The following EPB41L4A variants were observed in gnomAD, a reference collection of about 807,000 sequenced individuals.
EPB41L4A encodes the protein erythrocyte membrane protein band 4.1 like 4A, also known as band 4.1-like protein 4A.
Under a neutral mutation model 108.6 loss-of-function variants are expected in EPB41L4A, and 100 were observed. The observed-to-expected ratio is 0.92, with a 90% confidence interval of 0.78 to 1.09. The LOEUF (loss-of-function observed/expected upper bound fraction) is 1.09. EPB41L4A is among the 50% of genes least tolerant of loss of function. EPB41L4A has a pLI of 0.00. For missense variants in EPB41L4A, 1,030 were observed against 842.7 expected, an observed-to-expected ratio of 1.22 and a Z score of -2.75; for synonymous variants, 319 against 289.0, an observed-to-expected ratio of 1.10 and a Z score of -1.05.
chr5:112,340,457 C>T (rs1321799158), intron 1 of EPB41L4A, among the ~76,000 whole-genome samples: 1 of 152,178 alleles, frequency 6.6e-6, no homozygotes, highest in African/African-American at 2.4e-5. Context: ...TTAACCATGA[C>T]CCCTGCTTTG....
At chr5:112,193,290 TTC>T (rs1201293350) in intron 17 of EPB41L4A, among the ~76,000 whole-genome samples, 1 of 152,168 alleles carries the variant, frequency 6.6e-6, no homozygotes, top group East Asian at 1.9e-4. Flanking sequence ...TCACTTTTCT[TTC>T]TTTCTTTCTT....
Position 112,287,915 on chromosome 5 carries a change from GAAGA to G in EPB41L4A, c.205-7596_205-7593del, listed in dbSNP as rs200596334. Reference sequence around the variant, plus strand: ...TTTGCTGGCTATAAATGAAATGTAAGAAGAGAGAGATAAGCTAAAAAGAAAGAAG... The same window carrying G: ...TTTGCTGGCTATAAATGAAATGTAAGGAGAGATAAGCTAAAAAGAAAGAAG... On this transcript the variant is annotated intron_variant, in intron 2 of 22. Coordinates refer to ENST00000261486, the MANE Select transcript of EPB41L4A (RefSeq NM_022140.5). Among the ~76,000 whole-genome samples the G allele has an allele frequency of 8.6e-3, 1,306 of 152,298 alleles. 20 individuals carry two copies. Among genetic ancestry groups the G allele is most frequent in the African/African-American group, 0.029 (1,215 of 41,558 alleles).
At chr5:112,385,564 T>G (rs146392519) in intron 1 of EPB41L4A, among the ~76,000 whole-genome samples, 2,640 of 147,668 alleles carry the variant, frequency 0.018, 60 homozygotes, top group African/African-American at 0.061. Flanking sequence ...GCACAATCAA[T>G]TAAAAAATCC....
intron 1 of EPB41L4A, among the ~76,000 whole-genome samples, chr5:112,404,065 G>A (rs891021312): frequency 1.3e-5 from 2 of 152,174 alleles, no homozygotes; most frequent in Non-Finnish European, 2.9e-5. Context: ...TAAACATTAA[G>A]AAGCCTTCTA....
At chr5:112,263,210 C>T (rs976167798) in intron 6 of EPB41L4A, among the ~76,000 whole-genome samples, 4 of 152,096 alleles carry the variant, frequency 2.6e-5, no homozygotes, top group Non-Finnish European at 5.9e-5. Flanking sequence ...GAAATCTGCA[C>T]AGAAGAGTTA....
At chr5:112,320,129 G>A (rs940659141) in intron 1 of EPB41L4A, among the ~76,000 whole-genome samples, 2 of 152,070 alleles carry the variant, frequency 1.3e-5, no homozygotes, top group Admixed American at 6.6e-5. Context: ...GAGAAGTTCC[G>A]GGCCTTGCTC....
chr5:112,224,134 T>C lies in EPB41L4A; in HGVS notation c.1087+10500A>G, dbSNP rs535243129. On this transcript the variant is annotated intron_variant, in intron 12 of 22. Coordinates refer to ENST00000261486, the MANE Select transcript of EPB41L4A (RefSeq NM_022140.5). ...GTCCGGCTAATTTTTGTATTTTTAG[T>C]AGAGACAGGGTTTCACCACGTTGGC... Among the ~76,000 whole-genome samples, 5 of 152,254 alleles carry C rather than the reference T, an allele frequency of 3.3e-5. No individual in the cohort carries two copies. The East Asian group carries it at 9.7e-4, about 29-fold the overall frequency.
At chr5:112,201,951 G>C (rs1762242937) in intron 15 of EPB41L4A, among the ~76,000 whole-genome samples, 1 of 152,120 alleles carries the variant, frequency 6.6e-6, no homozygotes, top group Admixed American at 6.5e-5. Flanking sequence ...ATGGTGGGCT[G>C]AATATTTTTC....
chr5:112,347,700 T>A (rs980526534), intron 1 of EPB41L4A, among the ~76,000 whole-genome samples: 4 of 152,214 alleles, frequency 2.6e-5, no homozygotes, highest in Admixed American at 1.3e-4. Context: ...ATTTGTGGAA[T>A]ACAGCAGTGA....
chr5:112,394,665 C>T (rs1477183003), intron 1 of EPB41L4A, among the ~76,000 whole-genome samples: 2 of 152,168 alleles, frequency 1.3e-5, no homozygotes, highest in African/African-American at 2.4e-5. Flanking sequence ...GCCATACTGT[C>T]CAAGGTAATT....
downstream of EPB41L4A, among the ~76,000 whole-genome samples, chr5:112,159,657 G>A (rs1470990159): frequency 1.3e-5 from 2 of 152,096 alleles, no homozygotes; most frequent in African/African-American, 2.4e-5. Context: ...TTGCATAACC[G>A]CCTTCACACA....
At chr5:112,234,830 C>G (rs1369045559) in intron 11 of EPB41L4A, 75 bp from the exon 12 acceptor site, 1 of 1,484,948 alleles carries the variant, frequency 6.7e-7, no homozygotes, top group Non-Finnish European at 9.1e-7. Context: ...TCATTCAGAA[C>G]ATCTGCCAAA....
At chr5:112,299,933 C>T (rs756968807) in intron 2 of EPB41L4A, among the ~76,000 whole-genome samples, 4 of 152,136 alleles carry the variant, frequency 2.6e-5, no homozygotes, top group Non-Finnish European at 4.4e-5. Context: ...TCTTTTTTAA[C>T]TACTCTTAAA....
chr5:112,307,508 T>A lies in EPB41L4A; in HGVS notation c.100-18A>T. The A allele has an allele frequency of 6.4e-7, 1 of 1,565,132 alleles. No homozygotes were observed. The highest frequency in any genetic ancestry group is 8.8e-7 in the Non-Finnish European group (1 of 1,137,312). ...GTTGACTTCTGCAAAAATAATTCAGTTTTATATTTTTTAACTGCCCTTTTG... is the reference window on the plus strand; with the variant it reads ...GTTGACTTCTGCAAAAATAATTCAGATTTATATTTTTTAACTGCCCTTTTG... On this transcript the variant is annotated intron_variant, in intron 1 of 22. Coordinates refer to ENST00000261486, the MANE Select transcript of EPB41L4A (RefSeq NM_022140.5).
chr5:112,337,287 CT>C (rs1756981762), intron 1 of EPB41L4A, among the ~76,000 whole-genome samples: 1 of 152,150 alleles, frequency 6.6e-6, no homozygotes, highest in African/African-American at 2.4e-5. Flanking sequence ...TTATAGTCAG[CT>C]TTGCCACAAT....
At chr5:112,232,185 G>C (rs938410109) in intron 12 of EPB41L4A, among the ~76,000 whole-genome samples, 1 of 151,514 alleles carries the variant, frequency 6.6e-6, no homozygotes, top group Non-Finnish European at 1.5e-5. Flanking sequence ...CCTCCAAAAA[G>C]GCTGGGCTGT....
At chr5:112,381,228 A>G (rs1413912170) in intron 1 of EPB41L4A, among the ~76,000 whole-genome samples, 1 of 152,250 alleles carries the variant, frequency 6.6e-6, no homozygotes, top group Non-Finnish European at 1.5e-5. Context: ...ATATTAAAAA[A>G]TTCAAATCAG....
At position 112,262,519 on chromosome 5, in the gene EPB41L4A, T is replaced by C; in HGVS notation, c.617A>G (p.Tyr206Cys). ...ATAGACGGGATGGAGGTCAACGCCA[T>C]ACATCTCCAGGGATTTGGCAGTCCT... ...YLRTAKSLEM[Y>C]GVDLHPVYGE... Residue 206 changes from tyrosine (Y) to cysteine (C), a missense_variant, in exon 7 of 23, where the codon TAT becomes TGT. Physicochemically the swap from Tyr to Cys is radical, Grantham distance 194 (BLOSUM62 -2). Coordinates refer to ENST00000261486, the MANE Select transcript of EPB41L4A (RefSeq NM_022140.5). 2 of 1,614,056 alleles carry C rather than the reference T, an allele frequency of 1.2e-6. No homozygotes were observed. Among genetic ancestry groups the C allele is most frequent in the African/African-American group, 1.3e-5 (1 of 75,040 alleles).
chr5:112,331,687 T>C (rs903780496), intron 1 of EPB41L4A, among the ~76,000 whole-genome samples: 9 of 152,178 alleles, frequency 5.9e-5, no homozygotes, highest in Non-Finnish European at 8.8e-5. Context: ...ACCCTGACAC[T>C]GTATAAGCAG....
Sources: allele counts gnomAD v4.1 joint callset (sites outside exome capture counted in the v4.1 genomes callset), GRCh38; gene constraint gnomAD v4.1.1; transcripts MANE v1.5; gene names NCBI Gene and HGNC (gene_info 2026-07-23, HGNC 2026-07-21).